The following CTNNA3 variants were observed in gnomAD, a reference collection of about 807,000 sequenced individuals.
CTNNA3 encodes catenin alpha 3.
Under a neutral mutation model 95.7 loss-of-function variants are expected in CTNNA3, and 76 were observed. The observed-to-expected ratio is 0.79, with a 90% CI of 0.66 to 0.96. The LOEUF (loss-of-function observed/expected upper bound fraction) is 0.96, where lower values mean the gene tolerates loss of function less well. Ranked by LOEUF, CTNNA3 falls within the 40% of genes least tolerant of loss-of-function variation. CTNNA3 has a pLI of 0.00. For missense variants in CTNNA3, 1,191 were observed against 1,089.8 expected, an observed-to-expected ratio of 1.09 and a Z score of -1.31; for synonymous variants, 431 against 374.4, an observed-to-expected ratio of 1.15 and a Z score of -1.74.
intron 10 of CTNNA3, among the ~76,000 whole-genome samples, chr10:66,531,617 A>AAT (rs1024350182): frequency 2.0e-5 from 3 of 152,302 alleles, no homozygotes; most frequent in Admixed American, 6.5e-5. Context: ...ACTATACACA[A>AAT]ATATATATAC....
At chr10:67,520,612 C>T (rs1839954306) in intron 5 of CTNNA3, among the ~76,000 whole-genome samples, 1 of 152,094 alleles carries the variant, frequency 6.6e-6, no homozygotes, top group South Asian at 2.1e-4. Flanking sequence ...TTTAAAAAAA[C>T]AAAACTTAAA....
At chr10:67,176,838 C>T (rs1862263351) in intron 7 of CTNNA3, 1 of 439,136 alleles carries the variant, frequency 2.3e-6, no homozygotes, top group Admixed American at 2.5e-5. Context: ...GGCAGAGGGC[C>T]ATGAGCCAAG....
chr10:67,672,515 C>A (rs941541805), intron 1 of CTNNA3, among the ~76,000 whole-genome samples: 1 of 152,104 alleles, frequency 6.6e-6, no homozygotes, highest in African/African-American at 2.4e-5. Context: ...AGTCTTTAAT[C>A]CATCTTGAAT....
At chr10:66,652,067 C>T (rs1333836496) in intron 9 of CTNNA3, among the ~76,000 whole-genome samples, 1 of 117,986 alleles carries the variant, frequency 8.5e-6, no homozygotes, top group African/African-American at 3.0e-5. Flanking sequence ...AGGAAGATCC[C>T]AAATAAACAA....
chr10:66,890,610 G>A (rs1845230940), intron 7 of CTNNA3, among the ~76,000 whole-genome samples: 1 of 152,060 alleles, frequency 6.6e-6, no homozygotes, highest in Non-Finnish European at 1.5e-5. Context: ...AGAGATTGAA[G>A]TGGGTTGAAG....
At chr10:66,374,473 G>A (rs1276181196) in intron 12 of CTNNA3, among the ~76,000 whole-genome samples, 3 of 151,932 alleles carry the variant, frequency 2.0e-5, no homozygotes, top group Non-Finnish European at 4.4e-5. Flanking sequence ...AAGAGATTTC[G>A]TTTTGGGTTT....
chr10:67,638,308 A>G (rs1275554063), intron 2 of CTNNA3, among the ~76,000 whole-genome samples: 1 of 152,232 alleles, frequency 6.6e-6, no homozygotes, highest in Non-Finnish European at 1.5e-5. Flanking sequence ...CAACAAGAAG[A>G]GCTTTCTAAA....
At chr10:67,633,063 T>C (rs908587040) in intron 2 of CTNNA3, among the ~76,000 whole-genome samples, 1 of 151,948 alleles carries the variant, frequency 6.6e-6, no homozygotes, top group African/African-American at 2.4e-5. Flanking sequence ...AGAATACAAA[T>C]GGTCCAGACA....
chr10:66,971,828 A>G (rs1849739879), intron 7 of CTNNA3, among the ~76,000 whole-genome samples: 2 of 152,244 alleles, frequency 1.3e-5, no homozygotes, highest in African/African-American at 4.8e-5. Flanking sequence ...TAAATTAACA[A>G]TAGGTTCTTC....
intron 6 of CTNNA3, among the ~76,000 whole-genome samples, chr10:67,190,107 T>A (rs1863050944): frequency 6.6e-6 from 1 of 152,192 alleles, no homozygotes; most frequent in Non-Finnish European, 1.5e-5. Context: ...AGGATTATTT[T>A]AATCAATATG....
chr10:67,681,288 T>A (rs531563857), intron 1 of CTNNA3, among the ~76,000 whole-genome samples: 4 of 152,162 alleles, frequency 2.6e-5, no homozygotes, highest in African/African-American at 9.6e-5. Flanking sequence ...TATTATGAAA[T>A]GAAGTTATTT....
intron 14 of CTNNA3, among the ~76,000 whole-genome samples, chr10:66,074,764 T>C (rs969928491): frequency 3.9e-5 from 6 of 151,928 alleles, no homozygotes; most frequent in African/African-American, 1.4e-4. Flanking sequence ...GAGATGTTGT[T>C]GAAAACAATA....
chr10:66,528,412 C>A (rs1841344563), intron 10 of CTNNA3, among the ~76,000 whole-genome samples: 1 of 152,134 alleles, frequency 6.6e-6, no homozygotes, highest in African/African-American at 2.4e-5. Flanking sequence ...AAACTACGTT[C>A]AGAATATTTA....
At chr10:66,591,449 AC>A (rs1843547963) in intron 10 of CTNNA3, among the ~76,000 whole-genome samples, 1 of 152,174 alleles carries the variant, frequency 6.6e-6, no homozygotes, top group South Asian at 2.1e-4. Context: ...CCTGAAGGCA[AC>A]ATGAGAGAGA....
In CTNNA3 at chr10:67,063,718, G is replaced by A. The variant is rs189669791; in HGVS notation, c.1047+116599C>T. Among the ~76,000 whole-genome samples, 31 of 152,352 alleles carry A rather than the reference G, an allele frequency of 2.0e-4. No homozygotes were observed. In the East Asian group the frequency reaches 5.2e-3, roughly 26 times the overall value. ...CACAGATAATTGGCATGAGCCAAAT[G>A]AGGGTTACTTGTACTCTATATAAAC... On this transcript the variant is annotated intron_variant, in intron 7 of 17. Coordinates refer to ENST00000433211, the MANE Select transcript of CTNNA3 (RefSeq NM_013266.4).
At chr10:67,270,141 A>G (rs890761761) in intron 5 of CTNNA3, among the ~76,000 whole-genome samples, 1 of 152,010 alleles carries the variant, frequency 6.6e-6, no homozygotes, top group African/African-American at 2.4e-5. Context: ...AAAAAAAAAA[A>G]AAAAAGCTGA....
intron 5 of CTNNA3, among the ~76,000 whole-genome samples, chr10:67,254,157 A>G (rs1388354860): frequency 4.6e-5 from 7 of 152,178 alleles, no homozygotes; most frequent in Admixed American, 4.6e-4. Context: ...ATACTGGCAG[A>G]AAAAAGAAGA....
At chr10:66,438,457 C>T (rs921479763) in intron 11 of CTNNA3, among the ~76,000 whole-genome samples, 1 of 152,132 alleles carries the variant, frequency 6.6e-6, no homozygotes, top group Non-Finnish European at 1.5e-5. Context: ...CTTTGGTGGG[C>T]CCCACCCAGT....
At chr10:67,446,343 G>A (rs574424992) in intron 5 of CTNNA3, among the ~76,000 whole-genome samples, 17 of 152,146 alleles carry the variant, frequency 1.1e-4, no homozygotes, top group Admixed American at 2.0e-4. Context: ...CTCCTAGACC[G>A]AACTCTCAAT....
Sources: allele counts gnomAD v4.1 joint callset (sites outside exome capture counted in the v4.1 genomes callset), GRCh38; gene constraint gnomAD v4.1.1; transcripts MANE v1.5; gene names NCBI Gene and HGNC (gene_info 2026-07-23, HGNC 2026-07-21).